The following CLSTN2 variants were observed in gnomAD, a reference collection of about 807,000 sequenced individuals.
The protein encoded by CLSTN2 is calsyntenin 2.
In CLSTN2, 48 loss-of-function variants were observed where a neutral mutation model predicts 101.2. That is an observed-to-expected ratio of 0.47 (90% CI 0.38 to 0.60). The LOEUF (loss-of-function observed/expected upper bound fraction) is 0.60. Ranked by LOEUF, CLSTN2 falls within the 20% of genes least tolerant of loss-of-function variation. The pLI is 0.00. For missense variants in CLSTN2, 1,160 were observed against 1,238.2 expected (o/e 0.94, Z 0.95); for synonymous variants, 481 against 463.6 (o/e 1.04, Z -0.48).
intron 7 of CLSTN2, among the ~76,000 whole-genome samples, chr3:140,466,397 G>C (rs1933702749): frequency 6.6e-6 from 1 of 152,158 alleles, no homozygotes. Context: ...CAAGAGTTTG[G>C]CTGTGGGTTT....
chr3:140,318,699 GAA>G (rs377488292), intron 2 of CLSTN2, among the ~76,000 whole-genome samples: 9 of 152,182 alleles, frequency 5.9e-5, no homozygotes, highest in Non-Finnish European at 8.8e-5. Context: ...AAAGGGTCTG[GAA>G]ACCTGAGGGT....
intron 4 of CLSTN2, among the ~76,000 whole-genome samples, chr3:140,420,324 TCTC>T (rs2088486736): frequency 1.3e-5 from 2 of 152,120 alleles, no homozygotes; most frequent in Non-Finnish European, 2.9e-5. Context: ...ATGAAATTAT[TCTC>T]AGCAAAATAT....
In CLSTN2 at chr3:140,395,412, A is replaced by G. The variant is rs144224799; in HGVS notation, c.233-8217A>G. On this transcript the variant is annotated intron_variant, in intron 2 of 16. Transcript: ENST00000458420. Reference sequence around the variant, plus strand: ...ACGTTTAGTGTGTCATTGTAGCCTCATGGAACTTTCAGGATTAGGCATGGT... The same window carrying G: ...ACGTTTAGTGTGTCATTGTAGCCTCGTGGAACTTTCAGGATTAGGCATGGT... Among the ~76,000 whole-genome samples the G allele has an allele frequency of 4.7e-3, 721 of 152,278 alleles. 8 individuals are homozygous for G. Among genetic ancestry groups the G allele is most frequent in the African/African-American group, 0.017 (694 of 41,566 alleles).
rs1985616253 is a variant in CLSTN2 at position 140,573,222 on chromosome 3, G to A, written c.*6969G>A. The A allele has an allele frequency of 6.6e-6, 1 of 152,238 alleles. No individual in the cohort carries two copies. The highest frequency in any genetic ancestry group is 6.5e-5 in the Admixed American group (1 of 15,268). The allele number at this position is 152,238 out of a possible 1,614,324, so 9.4% of individuals were successfully genotyped here. ...CCCAGGGCCTGGCAGAGTGTGGAGG[G>A]GGTCATTTAAGGACGTTGCCAGGTT... is the stretch of plus-strand genomic sequence containing the variant. On this transcript the variant is annotated 3_prime_UTR_variant, in exon 17 of 17. Coordinates refer to ENST00000458420, the MANE Select transcript of CLSTN2 (RefSeq NM_022131.3).
chr3:140,232,952 C>G (rs1044085421), intron 2 of CLSTN2, among the ~76,000 whole-genome samples: 8 of 152,208 alleles, frequency 5.3e-5, no homozygotes, highest in Admixed American at 1.3e-4. Flanking sequence ...GCCCTGCCTC[C>G]CCTCACTTCA....
At chr3:140,043,404 T>A (rs1243302012) in intron 1 of CLSTN2, among the ~76,000 whole-genome samples, 4 of 152,152 alleles carry the variant, frequency 2.6e-5, no homozygotes, top group Non-Finnish European at 5.9e-5. Flanking sequence ...GTTTGAGTTC[T>A]TTGTAGATTC....
intron 1 of CLSTN2, among the ~76,000 whole-genome samples, chr3:140,039,863 A>G (rs1255304224): frequency 6.6e-6 from 1 of 152,230 alleles, no homozygotes; most frequent in Non-Finnish European, 1.5e-5. Context: ...GAATTAAACA[A>G]TACCAACTAG....
At chr3:140,121,515 C>A (rs1363282615) in intron 1 of CLSTN2, among the ~76,000 whole-genome samples, 1 of 152,160 alleles carries the variant, frequency 6.6e-6, no homozygotes, top group Non-Finnish European at 1.5e-5. Flanking sequence ...TAAGCTTCCT[C>A]TCCCTCTAGG....
chr3:139,943,847 A>G (rs1467403377), intron 1 of CLSTN2, among the ~76,000 whole-genome samples: 1 of 152,192 alleles, frequency 6.6e-6, no homozygotes, highest in Non-Finnish European at 1.5e-5. Context: ...GACTGGAGGT[A>G]TCTTCAGAGA....
rs530255257 is a variant in CLSTN2 at position 140,229,536 on chromosome 3, C to T, written c.232+53463C>T. ...TCCCAGGGCTCTGGGCCTCAGATCT[C>T]TATGTTGTCTTCCACTTGACAAAGC... On this transcript the variant is annotated intron_variant, in intron 2 of 16. Transcript: ENST00000458420. 6.1e-4 allele frequency among the ~76,000 whole-genome samples: 92 copies of T among 151,874 alleles called. 1 individual carries two copies. The highest frequency in any genetic ancestry group is 2.1e-3 in the African/African-American group (89 of 41,432).
intron 1 of CLSTN2, among the ~76,000 whole-genome samples, chr3:140,063,519 C>T (rs2008246211): frequency 6.6e-6 from 1 of 152,182 alleles, no homozygotes; most frequent in Non-Finnish European, 1.5e-5. Context: ...GGCTCACAGT[C>T]ACACTGTGAG....
intron 2 of CLSTN2, among the ~76,000 whole-genome samples, chr3:140,258,238 T>A (rs1048062174): frequency 2.6e-5 from 4 of 152,212 alleles, no homozygotes; most frequent in African/African-American, 9.6e-5. Context: ...AAGGAAGCCC[T>A]TTGTGGAAAC....
At chr3:140,423,136 G>A (rs1398989577) in intron 5 of CLSTN2, among the ~76,000 whole-genome samples, 1 of 152,212 alleles carries the variant, frequency 6.6e-6, no homozygotes, top group East Asian at 1.9e-4. Context: ...ACCTACAGAT[G>A]TGTGATTACA....
chr3:140,284,192 G>GTT (rs2086874107), intron 2 of CLSTN2, among the ~76,000 whole-genome samples: 1 of 151,952 alleles, frequency 6.6e-6, no homozygotes, highest in African/African-American at 2.4e-5. Flanking sequence ...AATCCAGGTA[G>GTT]GATTTTATCA....
At chr3:140,251,635 T>TTCCTTTCCTTTCCTTTCCTTTCCTC (rs1351692718) in intron 2 of CLSTN2, among the ~76,000 whole-genome samples, 1 of 151,702 alleles carries the variant, frequency 6.6e-6, no homozygotes, top group Non-Finnish European at 1.5e-5. Context: ...TTCCTTTCCT[T>TTCCTTTCCTTTCCTTTCCTTTCCTC]TCCTCTTTTT....
chr3:139,981,642 G>A (rs1383863552), intron 1 of CLSTN2, among the ~76,000 whole-genome samples: 2 of 152,320 alleles, frequency 1.3e-5, no homozygotes, highest in South Asian at 2.1e-4. Flanking sequence ...AAGAGTTCAG[G>A]CGTCCAAACT....
At chr3:140,227,691 C>A (rs1473831671) in intron 2 of CLSTN2, among the ~76,000 whole-genome samples, 1 of 149,158 alleles carries the variant, frequency 6.7e-6, no homozygotes, top group Non-Finnish European at 1.5e-5. Flanking sequence ...TCTGTCTGGG[C>A]ATCCAGGTGT....
At chr3:140,521,130 A>ACTTCTATCAGTCCAGT (rs1553751067) in intron 8 of CLSTN2, among the ~76,000 whole-genome samples, 65 of 69,836 alleles carry the variant, frequency 9.3e-4, no homozygotes, top group African/African-American at 3.8e-3. Flanking sequence ...TCTGATGCCT[A>ACTTCTATCAGTCCAGT]CTTCTATCAG....
chr3:140,569,730 G>A lies in CLSTN2; in HGVS notation c.*3477G>A, dbSNP rs1985464298. The A allele has an allele frequency of 6.6e-6, 1 of 152,152 alleles. No homozygotes were observed. The allele number at this position is 152,152 out of a possible 1,614,324, so 9.4% of individuals were successfully genotyped here. On this transcript the variant is annotated 3_prime_UTR_variant, in exon 17 of 17. Coordinates refer to ENST00000458420, the MANE Select transcript of CLSTN2 (RefSeq NM_022131.3). ...TTGCTGCTCTGTCACCCAGGCTGGAGTGCAGTGGCACAATCTCAGCTCACT... is the reference window on the plus strand; with the variant it reads ...TTGCTGCTCTGTCACCCAGGCTGGAATGCAGTGGCACAATCTCAGCTCACT...
Sources: gnomAD v4.1 joint callset for allele counts (sites outside exome capture counted in the v4.1 genomes callset) on GRCh38, gnomAD v4.1.1 for gene constraint, MANE v1.5 for transcripts, NCBI Gene and HGNC (gene_info 2026-07-23, HGNC 2026-07-21) for gene names.